Variants in NRXN3 observed in about 807,000 individuals in gnomAD.
NRXN3 encodes neurexin 3.
Under a neutral mutation model 137.6 loss-of-function variants are expected in NRXN3, and 32 were observed. That is an observed-to-expected ratio of 0.23 (90% CI 0.18 to 0.31). NRXN3 has a LOEUF of 0.31. Among genes scored for constraint, NRXN3 ranks in the 10% least tolerant of loss-of-function variants. The pLI is 1.00. For missense variants in NRXN3, 1,574 were observed against 2,062.5 expected (o/e 0.76, Z 4.59); for synonymous variants, 798 against 784.5 (o/e 1.02, Z -0.29).
At chr14:79,253,086 G>A (rs1332276808) in intron 15 of NRXN3, among the ~76,000 whole-genome samples, 1 of 152,146 alleles carries the variant, frequency 6.6e-6, no homozygotes, top group African/African-American at 2.4e-5. Flanking sequence ...GATGTTGAGG[G>A]AAGGAGGTGG....
intron 15 of NRXN3, among the ~76,000 whole-genome samples, chr14:79,350,685 G>A (rs945458933): frequency 1.3e-5 from 2 of 151,996 alleles, no homozygotes; most frequent in South Asian, 2.1e-4. Context: ...ATATGAAGCC[G>A]ATTAAGTATT....
intron 4 of NRXN3, among the ~76,000 whole-genome samples, chr14:78,556,167 G>T (rs2152234865): frequency 6.6e-6 from 1 of 152,268 alleles, no homozygotes; most frequent in East Asian, 1.9e-4. Flanking sequence ...GGTTTCCATT[G>T]GTTCTCCTTA....
chr14:79,644,928 T>C lies in NRXN3; in HGVS notation c.3445-18850T>C, dbSNP rs1191038875. Among the ~76,000 whole-genome samples the C allele has an allele frequency of 1.5e-5, 2 of 135,910 alleles. 1 individual carries two copies. 89.2% of individuals were successfully genotyped at this position (135,910 alleles called of 152,430 possible). A position where few individuals can be genotyped will look rare whatever the true frequency, so the allele number is the denominator to read the frequency against. ...TCAGGCCAAATGACTTGGTCACTGC[T>C]GCTCGACTCATGTGAAACAGTCCAG... On this transcript the variant is annotated intron_variant, in intron 16 of 20. Coordinates refer to ENST00000335750, the MANE Select transcript of NRXN3 (RefSeq NM_001330195.2).
intron 10 of NRXN3, among the ~76,000 whole-genome samples, chr14:78,934,956 GTAA>G (rs34363893): frequency 0.14 from 21,198 of 149,738 alleles, 2,665 homozygotes; most frequent in East Asian, 0.43. Flanking sequence ...AACTTAAAGT[GTAA>G]TAATAATAAT....
At chr14:79,360,830 C>T (rs942992387) in intron 15 of NRXN3, among the ~76,000 whole-genome samples, 1 of 152,124 alleles carries the variant, frequency 6.6e-6, no homozygotes, top group Admixed American at 6.5e-5. Context: ...CTTTTTGAAC[C>T]TCAGTGTCCT....
At chr14:79,301,850 G>T (rs1283846823) in intron 15 of NRXN3, among the ~76,000 whole-genome samples, 2 of 152,068 alleles carry the variant, frequency 1.3e-5, no homozygotes, top group East Asian at 3.9e-4. Context: ...TGGACTTGAA[G>T]TTGAAATAGG....
At chr14:79,649,236 C>G (rs958798483) in intron 16 of NRXN3, among the ~76,000 whole-genome samples, 1 of 152,036 alleles carries the variant, frequency 6.6e-6, no homozygotes, top group African/African-American at 2.4e-5. Context: ...CATGGAAGCT[C>G]TAGCATTGCT....
intron 1 of NRXN3, among the ~76,000 whole-genome samples, chr14:78,216,099 G>A (rs902148695): frequency 2.0e-5 from 3 of 152,244 alleles, no homozygotes; most frequent in Admixed American, 6.5e-5. Flanking sequence ...CCATTTTTCC[G>A]TGTGTATCTG....
chr14:79,048,779 C>T (rs2099636762), intron 15 of NRXN3, among the ~76,000 whole-genome samples: 1 of 150,722 alleles, frequency 6.6e-6, no homozygotes, highest in African/African-American at 2.4e-5. Flanking sequence ...AATCCCAGCA[C>T]TTTGGGAGGC....
At chr14:78,585,631 G>A (rs950004541) in intron 4 of NRXN3, among the ~76,000 whole-genome samples, 2 of 152,082 alleles carry the variant, frequency 1.3e-5, no homozygotes, top group African/African-American at 2.4e-5. Context: ...TGCTTGATGG[G>A]GTTGTTGGTA....
intron 1 of NRXN3, among the ~76,000 whole-genome samples, chr14:78,222,957 A>G (rs1392677264): frequency 1.3e-5 from 2 of 152,254 alleles, no homozygotes; most frequent in East Asian, 3.8e-4. Flanking sequence ...TGAAAAATTT[A>G]CAAGTTAGTA....
chr14:79,537,724 C>G (rs953001512), intron 16 of NRXN3, among the ~76,000 whole-genome samples: 5 of 152,144 alleles, frequency 3.3e-5, no homozygotes, highest in Admixed American at 2.0e-4. Context: ...CAAGTCTTTG[C>G]TATTGTGAAT....
intron 15 of NRXN3, among the ~76,000 whole-genome samples, chr14:79,091,012 G>T (rs756335119): frequency 1.3e-5 from 2 of 151,544 alleles, no homozygotes. Flanking sequence ...TCTGTATTAC[G>T]AGAACTCGTG....
At chr14:79,703,403 G>A (rs1488500429) in intron 19 of NRXN3, among the ~76,000 whole-genome samples, 1 of 152,182 alleles carries the variant, frequency 6.6e-6, no homozygotes, top group Admixed American at 6.5e-5. Flanking sequence ...GTCTCAGTGT[G>A]TTGAAGAGCG....
At chr14:78,231,642 C>G (rs2065414504) in intron 1 of NRXN3, 1 of 152,206 alleles carries the variant, frequency 6.6e-6, no homozygotes, top group Non-Finnish European at 1.5e-5. Context: ...GAGCTGAGAT[C>G]TGCACCCTTA....
intron 20 of NRXN3, among the ~76,000 whole-genome samples, chr14:79,839,300 C>A (rs1193454702): frequency 6.6e-6 from 1 of 152,006 alleles, no homozygotes. Context: ...ATGGCCTCCC[C>A]TAAACTTGAA....
At chr14:78,916,128 C>A (rs2099254749) in intron 10 of NRXN3, among the ~76,000 whole-genome samples, 1 of 151,970 alleles carries the variant, frequency 6.6e-6, no homozygotes, top group Non-Finnish European at 1.5e-5. Context: ...ATATATTTTA[C>A]ATTACTTACT....
intron 15 of NRXN3, among the ~76,000 whole-genome samples, chr14:79,182,522 A>C (rs745422069): frequency 1.3e-5 from 2 of 152,074 alleles, no homozygotes; most frequent in Non-Finnish European, 2.9e-5. Context: ...TTCTGTGAGA[A>C]TCTAATGCTG....
intron 19 of NRXN3, among the ~76,000 whole-genome samples, chr14:79,802,480 C>A (rs757588889): frequency 3.9e-5 from 6 of 152,106 alleles, no homozygotes; most frequent in Non-Finnish European, 7.4e-5. Flanking sequence ...ATTTATGTAA[C>A]TGTGGCCTTT....
Sources: gnomAD v4.1 joint callset for allele counts (sites outside exome capture counted in the v4.1 genomes callset) on GRCh38, gnomAD v4.1.1 for gene constraint, MANE v1.5 for transcripts, NCBI Gene and HGNC (gene_info 2026-07-23, HGNC 2026-07-21) for gene names.